HERC1: variants seen among roughly 807,000 people sequenced by gnomAD.
HERC1 encodes the protein HECT and RLD domain containing E3 ubiquitin protein ligase family member 1, also known as probable E3 ubiquitin-protein ligase HERC1.
In HERC1, 160 loss-of-function variants were observed where a neutral mutation model predicts 554.3. The observed-to-expected ratio is 0.29, with a 90% CI of 0.25 to 0.33. HERC1 has a LOEUF of 0.33. Ranked by LOEUF, HERC1 falls within the 10% of genes least tolerant of loss-of-function variation. HERC1 has a pLI of 1.00. For synonymous variants in HERC1, 2,175 were observed against 2,131.7 expected (o/e 1.02, Z -0.56); for missense variants, 4,919 against 5,918.5 (o/e 0.83, Z 5.54).
chr15:63,661,925 G>C lies in HERC1; in HGVS notation c.8998C>G (p.Pro3000Ala). The part of the protein sequence containing the change: ...SFNQHMKRNH[P>A]GCGRSANRQG... ...CGGTTTGCACTGCGCCCACAGCCTG[G>C]ATGGTTTCTCTTCATGTGCTGATTG... is the stretch of plus-strand genomic sequence containing the variant. The change falls in exon 45 of 78, where the codon CCA becomes GCA. Residue 3000 changes from proline (P) to alanine (A), a missense_variant. Around this residue, in one of 11 missense-constraint regions of HERC1, gnomAD observed 1,963 missense variants for 2,228.6 expected, o/e 0.88. Coordinates refer to ENST00000443617, the MANE Select transcript of HERC1 (RefSeq NM_003922.4). 1 of 1,613,958 alleles carries C rather than the reference G, an allele frequency of 6.2e-7. No individual in the cohort carries two copies. Among genetic ancestry groups the C allele is most frequent in the South Asian group, 1.1e-5 (1 of 91,084 alleles).
At chr15:63,650,023 C>T in intron 53 of HERC1, 98 bp from the exon 54 acceptor site, 2 of 836,190 alleles carry the variant, frequency 2.4e-6, no homozygotes, top group Non-Finnish European at 3.7e-6. Context: ...ACACTCAAAG[C>T]AGTTCCAAAT....
At chr15:63,638,873 C>A in intron 61 of HERC1, 97 bp from the exon 62 acceptor site, 2 of 832,744 alleles carry the variant, frequency 2.4e-6, no homozygotes, top group South Asian at 1.5e-5. Flanking sequence ...GTCTTATTTC[C>A]AAAAAAGAAT....
chr15:63,749,938 T>G lies in HERC1; in HGVS notation c.1903-147A>C. ...AAATCATTTTGATCATTTTAAAGAT[T>G]GTTACAGCGATTTATCATGCTGCCT... is the stretch of plus-strand genomic sequence containing the variant. On this transcript the variant is annotated intron_variant, in intron 8 of 77. Coordinates refer to ENST00000443617, the MANE Select transcript of HERC1 (RefSeq NM_003922.4). This position sits in a 1 kb window ranked among gnomAD's most constrained non-coding sequence, Gnocchi z 4.1. 1 of 713,466 alleles carries G rather than the reference T, an allele frequency of 1.4e-6. No individual in the cohort carries two copies. The highest frequency in any genetic ancestry group is 3.0e-5 in the East Asian group (1 of 33,706). The allele number at this position is 713,466 out of a possible 1,614,324, so 44.2% of individuals were successfully genotyped here.
chr15:63,645,445 T>C (rs373586204), intron 56 of HERC1, 38 bp downstream of exon 56: 79 of 1,491,404 alleles, frequency 5.3e-5, no homozygotes, highest in Non-Finnish European at 7.1e-5. Context: ...TATACCAATA[T>C]AAAAACTAAG....
In HERC1 at chr15:63,640,401, C is replaced by T; in HGVS notation, c.11652G>A (p.Met3884Ile). The T allele has an allele frequency of 6.2e-7, 1 of 1,613,772 alleles. No homozygotes were observed. The change falls in exon 61 of 78, where the codon ATG (methionine) becomes ATA (isoleucine). Residue 3884 changes from methionine (M) to isoleucine (I), a missense_variant. By Grantham distance (10) the Met-to-Ile change is conservative. This residue lies in a region of HERC1 where 1,963 missense variants were observed against 2,228.6 expected (regional missense o/e 0.88). Coordinates refer to ENST00000443617, the MANE Select transcript of HERC1 (RefSeq NM_003922.4). Reference protein sequence around the residue: ...CGDQLVHSPYMQCLASLAVGL... With the variant: ...CGDQLVHSPYIQCLASLAVGL... ...CCACAGCAAGGGAAGCCAAGCATTGCATATAGGGGCTATGAACAAGTTGGT... is the reference window on the plus strand; with the variant it reads ...CCACAGCAAGGGAAGCCAAGCATTGTATATAGGGGCTATGAACAAGTTGGT...
chr15:63,730,720 T>A (rs1267356373), intron 14 of HERC1, among the ~76,000 whole-genome samples: 4 of 152,222 alleles, frequency 2.6e-5, no homozygotes, highest in Non-Finnish European at 5.9e-5. Flanking sequence ...TATGCTTAAA[T>A]ACTTAGCGGC....
At chr15:63,815,483 C>T (rs1015173040) in intron 1 of HERC1, among the ~76,000 whole-genome samples, 4 of 152,148 alleles carry the variant, frequency 2.6e-5, no homozygotes, top group Non-Finnish European at 2.9e-5. Flanking sequence ...TAATGAAAAC[C>T]GTGCCTGGAT....
chr15:63,775,067 A>T lies in HERC1; in HGVS notation c.557T>A (p.Leu186His). ...SWMMPVSGPGLSLCNDVIHTA... is the reference protein window; with the variant it reads ...SWMMPVSGPGHSLCNDVIHTA... ...ATGAATGACATCGTTGCAAAGACTG[A>T]GACCAGGTCCTGACACAGGCATCAT... The change falls in exon 2 of 78, where the codon CTC (leucine) becomes CAC (histidine). Residue 186 changes from leucine to histidine, a missense_variant. By Grantham distance (99) the Leu-to-His change is moderately conservative (BLOSUM62 -3). Transcript: ENST00000443617. The surrounding 1 kb of genome is among the most constrained non-coding windows in gnomAD (Gnocchi z 4.0). 1 of 1,614,050 alleles carries T rather than the reference A, an allele frequency of 6.2e-7. No individual in the cohort carries two copies. The highest frequency in any genetic ancestry group is 8.5e-7 in the Non-Finnish European group (1 of 1,179,880).
At chr15:63,660,025 A>C in intron 46 of HERC1, 89 bp from the exon 47 acceptor site, 1 of 1,089,192 alleles carries the variant, frequency 9.2e-7, no homozygotes, top group Non-Finnish European at 1.4e-6. Context: ...TACATCTAAA[A>C]TGCAGATGAG....
chr15:63,815,905 T>A (rs1339670493), intron 1 of HERC1, among the ~76,000 whole-genome samples: 1 of 152,002 alleles, frequency 6.6e-6, no homozygotes, highest in African/African-American at 2.4e-5. Context: ...GAAGGAGAAG[T>A]GCCTAGCAAA....
intron 38 of HERC1, 37 bp from the exon 39 acceptor site, chr15:63,672,731 A>T: frequency 7.0e-7 from 1 of 1,426,710 alleles, no homozygotes; most frequent in Non-Finnish European, 9.4e-7. Flanking sequence ...AGTAGTAAGG[A>T]TTTGTTTTTT....
intron 77 of HERC1, among the ~76,000 whole-genome samples, chr15:63,609,534 T>C (rs571173016): frequency 6.6e-6 from 1 of 152,264 alleles, no homozygotes; most frequent in East Asian, 1.9e-4. Flanking sequence ...ACTGGCAGGA[T>C]TGCTTGAGAG....
Position 63,775,753 on chromosome 15 carries a change from T to C in HERC1, c.-26-104A>G, listed in dbSNP as rs1280247294. 4.0e-5 allele frequency: 33 copies of C among 820,540 alleles called. No homozygotes were observed. The East Asian group carries it at 7.9e-4, about 20-fold the overall frequency. 50.8% of individuals were successfully genotyped at this position (820,540 alleles called of 1,614,324 possible). ...AATTAATGATTTCAAACTGGTGAAA[T>C]GCAGCCGGGTGCGGTGGCTCACGCC... On this transcript the variant is annotated intron_variant, in intron 1 of 77. Transcript: ENST00000443617. The surrounding 1 kb of genome is among the most constrained non-coding windows in gnomAD (Gnocchi z 4.0).
In HERC1 at chr15:63,775,418, G is replaced by C; in HGVS notation, c.206C>G (p.Ser69Cys). 1 of 1,613,996 alleles carries C rather than the reference G, an allele frequency of 6.2e-7. No homozygotes were observed. Among genetic ancestry groups the C allele is most frequent in the African/African-American group, 1.3e-5 (1 of 75,058 alleles). ...GPQLPDFERESLSSDEQDHYL... is the reference protein window; with the variant it reads ...GPQLPDFERECLSSDEQDHYL... ...GTGGTCCTGCTCATCACTTGAAAGAGACTCACGTTCAAAGTCTGGCAACTG... is the reference window on the plus strand; with the variant it reads ...GTGGTCCTGCTCATCACTTGAAAGACACTCACGTTCAAAGTCTGGCAACTG... Residue 69 changes from serine (S) to cysteine (C), a missense_variant, in exon 2 of 78, where the codon TCT (serine) becomes TGT (cysteine). By Grantham distance (112) the Ser-to-Cys change is moderately radical. Coordinates refer to ENST00000443617, the MANE Select transcript of HERC1 (RefSeq NM_003922.4). This position sits in a 1 kb window ranked among gnomAD's most constrained non-coding sequence, Gnocchi z 4.0.
At chr15:63,615,423 A>T (rs570012764) in intron 76 of HERC1, among the ~76,000 whole-genome samples, 1 of 152,324 alleles carries the variant, frequency 6.6e-6, no homozygotes, top group African/African-American at 2.4e-5. Flanking sequence ...AGCCTGGCTA[A>T]CATGGCAAAA....
chr15:63,695,786 C>A (rs1297990827), intron 27 of HERC1, among the ~76,000 whole-genome samples: 2 of 152,188 alleles, frequency 1.3e-5, no homozygotes, highest in African/African-American at 4.8e-5. Context: ...AGGAATCACA[C>A]AAACTAGGTA....
At chr15:63,762,391 T>C (rs954210147) in intron 3 of HERC1, among the ~76,000 whole-genome samples, 5 of 152,192 alleles carry the variant, frequency 3.3e-5, no homozygotes, top group African/African-American at 1.2e-4. Context: ...TGGCATGATC[T>C]CTACTGACTG....
At chr15:63,741,171 G>A (rs1596122101) in intron 12 of HERC1, among the ~76,000 whole-genome samples, 1 of 151,684 alleles carries the variant, frequency 6.6e-6, no homozygotes, top group East Asian at 1.9e-4. Context: ...TGGGATTACA[G>A]GCGTGCACCT....
intron 1 of HERC1, among the ~76,000 whole-genome samples, chr15:63,784,284 T>C (rs2076373427): frequency 6.6e-6 from 1 of 152,062 alleles, no homozygotes; most frequent in Non-Finnish European, 1.5e-5. Flanking sequence ...TACACATAAT[T>C]ATAGACCACA....
Sources: allele counts gnomAD v4.1 joint callset (sites outside exome capture counted in the v4.1 genomes callset), GRCh38; gene constraint gnomAD v4.1.1; regional missense constraint gnomAD v4.1.1; non-coding constraint Gnocchi (gnomAD v3.1); transcripts MANE v1.5; gene names NCBI Gene and HGNC (gene_info 2026-07-23, HGNC 2026-07-21).